The following UBE2QL1 variants were observed in gnomAD, a reference collection of about 807,000 sequenced individuals.
UBE2QL1 encodes ubiquitin-conjugating enzyme E2Q-like protein 1.
UBE2QL1 carries 5 observed loss-of-function variants against 12.6 expected under a neutral mutation model. That is an observed-to-expected ratio of 0.40 (90% CI 0.21 to 0.83). The LOEUF is 0.83. UBE2QL1 is among the 40% of genes least tolerant of loss of function. The probability of loss-of-function intolerance (pLI) is 0.37; values close to 1 mark genes in which losing one functional copy is unlikely to be tolerated. For missense variants in UBE2QL1, 99 were observed against 222.6 expected (o/e 0.44, Z 3.53); for synonymous variants, 96 against 94.5 (o/e 1.02, Z -0.10).
At chr5:6,457,328 C>T (rs1739546525) in intron 1 of UBE2QL1, among the ~76,000 whole-genome samples, 1 of 152,028 alleles carries the variant, frequency 6.6e-6, no homozygotes, top group Non-Finnish European at 1.5e-5. Flanking sequence ...TCCTCAACCA[C>T]TCCTTCAATA....
intron 1 of UBE2QL1, among the ~76,000 whole-genome samples, chr5:6,451,590 C>T (rs1739413007): frequency 6.6e-6 from 1 of 152,210 alleles, no homozygotes; most frequent in Non-Finnish European, 1.5e-5. Context: ...GGCAAAATCT[C>T]AGCACTTTTT....
rs957548266 is a variant in UBE2QL1, at chr5:6,492,026, A to C, written c.*677A>C. 1.3e-5 allele frequency: 2 copies of C among 152,264 alleles called. No homozygotes were observed. The highest frequency in any genetic ancestry group is 2.4e-5 in the African/African-American group (1 of 41,458). 9.4% of individuals were successfully genotyped at this position (152,264 alleles called of 1,614,324 possible). A position where few individuals can be genotyped will look rare whatever the true frequency, so the allele number is the denominator to read the frequency against. The stretch of plus-strand genomic sequence containing the variant: ...TGATTTGTGGTGTGCTGCTGTCCAC[A>C]GATAAACCAGTGCCATTAGATGGAA... On this transcript the variant is annotated 3_prime_UTR_variant, in exon 2 of 2. Transcript: ENST00000399816.
chr5:6,453,061 G>A (rs550414803), intron 1 of UBE2QL1, among the ~76,000 whole-genome samples: 1 of 152,312 alleles, frequency 6.6e-6, no homozygotes, highest in African/African-American at 2.4e-5. Flanking sequence ...CACAGTGTTG[G>A]TAATAATAAC....
chr5:6,484,487 C>G (rs1343922110), intron 1 of UBE2QL1, among the ~76,000 whole-genome samples: 1 of 152,188 alleles, frequency 6.6e-6, no homozygotes. Context: ...TCTTCTATAG[C>G]CCTTGGCAAG....
At chr5:6,465,669 C>G (rs967093488) in intron 1 of UBE2QL1, among the ~76,000 whole-genome samples, 2 of 152,140 alleles carry the variant, frequency 1.3e-5, no homozygotes, top group African/African-American at 4.8e-5. Flanking sequence ...GCAATTCAGA[C>G]ACAGCTGCTC....
At chr5:6,473,230 A>G (rs1447155269) in intron 1 of UBE2QL1, among the ~76,000 whole-genome samples, 1 of 152,178 alleles carries the variant, frequency 6.6e-6, no homozygotes, top group Non-Finnish European at 1.5e-5. Flanking sequence ...TAATTTTTCA[A>G]TTATTTGTCA....
chr5:6,460,143 C>T (rs1341982206), intron 1 of UBE2QL1, among the ~76,000 whole-genome samples: 1 of 152,162 alleles, frequency 6.6e-6, no homozygotes, highest in African/African-American at 2.4e-5. Flanking sequence ...AGAGGCAAGG[C>T]TCCAGCGCCT....
intron 1 of UBE2QL1, among the ~76,000 whole-genome samples, chr5:6,485,082 CCACAAACA>C (rs1015584129): frequency 2.0e-5 from 3 of 152,022 alleles, no homozygotes; most frequent in Non-Finnish European, 4.4e-5. Context: ...GTATAAGTAC[CCACAAACA>C]CACAAATGAA....
At chr5:6,490,012 C>T (rs933777733) in intron 1 of UBE2QL1, among the ~76,000 whole-genome samples, 11 of 152,310 alleles carry the variant, frequency 7.2e-5, no homozygotes, top group East Asian at 1.9e-4. Context: ...GGTAATTATG[C>T]GCCTGCCAGT....
chr5:6,468,070 C>G (rs1739834779), intron 1 of UBE2QL1, among the ~76,000 whole-genome samples: 1 of 152,146 alleles, frequency 6.6e-6, no homozygotes, highest in South Asian at 2.1e-4. Context: ...CCTGTGATCC[C>G]TGGATGACAC....
chr5:6,463,598 GTTATTATTATTATTATTATTA>G (rs149126743), intron 1 of UBE2QL1, among the ~76,000 whole-genome samples: 3 of 137,308 alleles, frequency 2.2e-5, no homozygotes, highest in African/African-American at 5.4e-5. Context: ...TATTTGTGCT[GTTATTATTATTATTATTATTA>G]TTATTATTAT....
chr5:6,474,326 C>T (rs777743435), intron 1 of UBE2QL1, among the ~76,000 whole-genome samples: 15 of 152,142 alleles, frequency 9.9e-5, no homozygotes, highest in South Asian at 2.1e-4. Flanking sequence ...ATGCTATAGC[C>T]GGAGAAGGTT....
At position 6,476,563 on chromosome 5, in the gene UBE2QL1, C is replaced by T. The variant is rs1734234463; in HGVS notation, c.355-14655C>T. Among the ~76,000 whole-genome samples, 1 of 152,150 alleles carries T rather than the reference C, an allele frequency of 6.6e-6. No homozygotes were observed. Among genetic ancestry groups the T allele is most frequent in the Non-Finnish European group, 1.5e-5 (1 of 68,024 alleles). ...CCTGGGGGGCTCGGTTAAAGAGCCA[C>T]ATGCGGCACCCCTCAGGTGTACACT... is the stretch of plus-strand genomic sequence containing the variant. On this transcript the variant is annotated intron_variant, in intron 1 of 1. Transcript: ENST00000399816. The surrounding 1 kb of genome is among the most constrained non-coding windows in gnomAD (Gnocchi z 4.9).
intron 1 of UBE2QL1, among the ~76,000 whole-genome samples, chr5:6,463,599 TTATTA>T (rs1739720393): frequency 3.3e-4 from 2 of 6,008 alleles, no homozygotes; most frequent in South Asian, 7.9e-3. Context: ...ATTTGTGCTG[TTATTA>T]TTATTATTAT....
Position 6,491,307 on chromosome 5 carries a change from T to G in UBE2QL1, c.444T>G (p.His148Gln). The G allele has an allele frequency of 6.4e-7, 1 of 1,551,332 alleles. No homozygotes were observed. Residue 148 changes from histidine to glutamine, a missense_variant, in exon 2 of 2, where the codon CAT becomes CAG. Physicochemically the swap from His to Gln is conservative, Grantham distance 24. Coordinates refer to ENST00000399816, the MANE Select transcript of UBE2QL1 (RefSeq NM_001145161.3). ...EATFKSLVKT[H>Q]EKYGWVTPPV... ...CCTTTAAGAGTTTGGTGAAGACGCA[T>G]GAAAAATATGGTTGGGTCACCCCGC...
intron 1 of UBE2QL1, among the ~76,000 whole-genome samples, chr5:6,489,940 G>A (rs901894714): frequency 1.3e-5 from 2 of 152,254 alleles, no homozygotes; most frequent in African/African-American, 2.4e-5. Flanking sequence ...AATTGGAAGT[G>A]CAGAGGGTCT....
Position 6,491,375 on chromosome 5 carries a change from G to T in UBE2QL1, c.*26G>T. 1.3e-6 allele frequency: 2 copies of T among 1,536,578 alleles called. No homozygotes were observed. The highest frequency in any genetic ancestry group is 2.5e-5 in the South Asian group (2 of 81,098). On this transcript the variant is annotated 3_prime_UTR_variant, in exon 2 of 2. Transcript: ENST00000399816. ...TGTCTGCCACGTGCAGTAGACGCTC[G>T]AGCGCCTGTCCACACACACACCAGT... is the stretch of plus-strand genomic sequence containing the variant.
chr5:6,468,259 G>A (rs1454346898), intron 1 of UBE2QL1, among the ~76,000 whole-genome samples: 4 of 152,056 alleles, frequency 2.6e-5, no homozygotes, highest in Admixed American at 6.6e-5. Flanking sequence ...CTGTTCCCTC[G>A]CTCTGGTTTG....
At chr5:6,488,784 A>T (rs1001644570) in intron 1 of UBE2QL1, among the ~76,000 whole-genome samples, 6 of 148,746 alleles carry the variant, frequency 4.0e-5, no homozygotes, top group Admixed American at 3.4e-4. Flanking sequence ...TGGATGGATG[A>T]CAGAGTGAGA....
Sources: gnomAD v4.1 joint callset for allele counts (sites outside exome capture counted in the v4.1 genomes callset) on GRCh38, gnomAD v4.1.1 for gene constraint, Gnocchi (gnomAD v3.1) non-coding constraint, MANE v1.5 for transcripts, NCBI Gene and HGNC (gene_info 2026-07-23, HGNC 2026-07-21) for gene names.